The following KCNT2 variants were observed in gnomAD, a reference collection of about 807,000 sequenced individuals.
The protein encoded by KCNT2 is potassium channel subfamily T member 2.
KCNT2 carries 67 observed loss-of-function variants against 153.8 expected under a neutral mutation model. That is an observed-to-expected ratio of 0.44 (90% CI 0.36 to 0.53). The LOEUF (loss-of-function observed/expected upper bound fraction) is 0.53, where lower values mean the gene tolerates loss of function less well. KCNT2 is among the 20% of genes least tolerant of loss of function. The pLI, the probability that KCNT2 is intolerant of heterozygous loss-of-function variation, is 0.00. For synonymous variants in KCNT2, 500 were observed against 458.8 expected (o/e 1.09, Z -1.15); for missense variants, 975 against 1,354.8 (o/e 0.72, Z 4.40).
At chr1:196,447,918 C>T (rs1335261912) in intron 8 of KCNT2, among the ~76,000 whole-genome samples, 1 of 150,400 alleles carries the variant, frequency 6.6e-6, no homozygotes, top group African/African-American at 2.4e-5. Flanking sequence ...TGAAAACTTT[C>T]TCTCTAACTC....
intron 1 of KCNT2, among the ~76,000 whole-genome samples, chr1:196,515,776 G>A (rs1021691287): frequency 6.6e-6 from 1 of 152,156 alleles, no homozygotes; most frequent in African/African-American, 2.4e-5. Context: ...CTCAACCCAA[G>A]GAGATTAGAG....
chr1:196,447,585 GGA>G (rs1675803252), intron 8 of KCNT2, among the ~76,000 whole-genome samples: 1 of 151,578 alleles, frequency 6.6e-6, no homozygotes, highest in Non-Finnish European at 1.5e-5. Flanking sequence ...GAGCATAAAA[GGA>G]GTAGTGACAG....
At chr1:196,361,850 A>G (rs1667650265) in intron 14 of KCNT2, among the ~76,000 whole-genome samples, 1 of 152,146 alleles carries the variant, frequency 6.6e-6, no homozygotes, top group African/African-American at 2.4e-5. Flanking sequence ...CCAACTAACA[A>G]TTAGCAAATT....
At chr1:196,576,017 CATCTAATGACTA>C (rs1444400685) in intron 1 of KCNT2, among the ~76,000 whole-genome samples, 2 of 147,494 alleles carry the variant, frequency 1.4e-5, no homozygotes, top group East Asian at 2.0e-4. Context: ...TCATAACTAA[CATCTAATGACTA>C]ATCTAATGAC....
intron 12 of KCNT2, among the ~76,000 whole-genome samples, chr1:196,404,637 A>C (rs1293076383): frequency 6.6e-6 from 1 of 151,446 alleles, no homozygotes; most frequent in Non-Finnish European, 1.5e-5. Context: ...TTTTCTTCTG[A>C]CTACTGGTAA....
At chr1:196,254,971 G>T (rs774235052) in intron 26 of KCNT2, among the ~76,000 whole-genome samples, 2 of 151,478 alleles carry the variant, frequency 1.3e-5, no homozygotes, top group Non-Finnish European at 3.0e-5. Flanking sequence ...TTTACTAACA[G>T]TATGAAATTT....
chr1:196,445,786 G>A (rs1005958775), intron 8 of KCNT2, among the ~76,000 whole-genome samples: 5 of 151,226 alleles, frequency 3.3e-5, no homozygotes, highest in African/African-American at 1.2e-4. Flanking sequence ...TAACAACACT[G>A]TTGAAAGGAA....
chr1:196,422,141 A>G (rs1673262164), intron 12 of KCNT2, among the ~76,000 whole-genome samples: 1 of 152,032 alleles, frequency 6.6e-6, no homozygotes, highest in Non-Finnish European at 1.5e-5. Flanking sequence ...CAGTTTAAAC[A>G]TTTTAGAAAT....
At chr1:196,423,633 T>A (rs1020205778) in intron 11 of KCNT2, among the ~76,000 whole-genome samples, 2 of 151,702 alleles carry the variant, frequency 1.3e-5, no homozygotes, top group African/African-American at 4.8e-5. Context: ...ACACAGTATA[T>A]TTTAGTGTTT....
At chr1:196,347,216 C>T (rs1398884127) in intron 14 of KCNT2, among the ~76,000 whole-genome samples, 3 of 152,092 alleles carry the variant, frequency 2.0e-5, no homozygotes, top group African/African-American at 7.2e-5. Context: ...TAATGCAGGA[C>T]ATTTTACATC....
At chr1:196,333,459 AATTG>A (rs1354606089) in intron 17 of KCNT2, among the ~76,000 whole-genome samples, 2 of 152,160 alleles carry the variant, frequency 1.3e-5, no homozygotes, top group Non-Finnish European at 2.9e-5. Context: ...TTCATTGAAT[AATTG>A]ATTGAACTTC....
intron 25 of KCNT2, among the ~76,000 whole-genome samples, chr1:196,268,968 C>T (rs556878554): frequency 6.6e-6 from 1 of 152,042 alleles, no homozygotes; most frequent in African/African-American, 2.4e-5. Context: ...ATCATTAGAT[C>T]TAGGTAAAAA....
chr1:196,306,504 C>G (rs772287936), intron 21 of KCNT2, among the ~76,000 whole-genome samples: 1 of 152,064 alleles, frequency 6.6e-6, no homozygotes, highest in Non-Finnish European at 1.5e-5. Flanking sequence ...TTTACCTTTC[C>G]TCAGGTCCAA....
chr1:196,547,139 C>A (rs765067617), intron 1 of KCNT2, among the ~76,000 whole-genome samples: 1 of 151,960 alleles, frequency 6.6e-6, no homozygotes. Context: ...ACTCATCACA[C>A]TTCCTTGTGG....
At chr1:196,477,430 T>C (rs1557986058) in intron 5 of KCNT2, among the ~76,000 whole-genome samples, 1 of 151,538 alleles carries the variant, frequency 6.6e-6, no homozygotes, top group African/African-American at 2.4e-5. Context: ...TACAAAAAAA[T>C]ACAAAAAAAA....
chr1:196,387,569 A>T (rs986099376), intron 13 of KCNT2, among the ~76,000 whole-genome samples: 2 of 151,894 alleles, frequency 1.3e-5, no homozygotes, highest in African/African-American at 2.4e-5. Flanking sequence ...AGGGCATGAG[A>T]GCTTCAGTCA....
At chr1:196,231,699 C>T (rs970225869) in intron 27 of KCNT2, among the ~76,000 whole-genome samples, 3 of 151,606 alleles carry the variant, frequency 2.0e-5, no homozygotes, top group Admixed American at 2.0e-4. Flanking sequence ...TTCTGATGTG[C>T]TTAGAAATGA....
chr1:196,258,318 A>G lies in KCNT2; in HGVS notation c.3087T>C (p.Ser1029=). The change falls in exon 26 of 28, where the codon TCT becomes TCC. Residue 1029 remains serine, a synonymous_variant. Transcript: ENST00000294725. ...GGGTTATTTTTTCAGCTGTTTTACC[A>G]GAGTGTTTTGGGCCTTTTCTGCTCA... ...RRLSRKGPKH[S]GKTAEKITQQ... 1.9e-6 allele frequency: 3 copies of G among 1,613,986 alleles called. No homozygotes were observed. Among genetic ancestry groups the G allele is most frequent in the East Asian group, 2.2e-5 (1 of 44,854 alleles).
intron 7 of KCNT2, among the ~76,000 whole-genome samples, chr1:196,467,408 T>C (rs1677715356): frequency 3.3e-5 from 5 of 150,360 alleles, no homozygotes. Context: ...ATTTACACTA[T>C]GCATCACTTT....
Sources: allele counts gnomAD v4.1 joint callset (sites outside exome capture counted in the v4.1 genomes callset), GRCh38; gene constraint gnomAD v4.1.1; transcripts MANE v1.5; gene names NCBI Gene and HGNC (gene_info 2026-07-23, HGNC 2026-07-21).